Variants in POLR1D observed in about 807,000 individuals in gnomAD.
POLR1D encodes DNA-directed RNA polymerases I and III subunit RPAC2.
A neutral mutation model predicts 10.8 loss-of-function variants in POLR1D; 8 were observed. The ratio of observed to expected loss-of-function variants is 0.74; its 90% CI spans 0.43 to 1.33. The LOEUF (loss-of-function observed/expected upper bound fraction) is 1.33, where lower values mean the gene tolerates loss of function less well. Ranked by LOEUF, POLR1D falls within the 40% of genes most tolerant of loss-of-function variation. POLR1D has a pLI of 0.01. For missense variants in POLR1D, 152 were observed against 161.7 expected (o/e 0.94, Z 0.32); for synonymous variants, 54 against 57.2 (o/e 0.94, Z 0.25).
chr13:27,621,921 G>A lies in POLR1D; in HGVS notation c.-63G>A. The A allele has an allele frequency of 1.9e-6, 3 of 1,544,334 alleles. No individual in the cohort carries two copies. The highest frequency in any genetic ancestry group is 2.6e-6 in the Non-Finnish European group (3 of 1,135,340). ...GCTTCCTGCTTCGCCTCCGCGCCTCGCGCTATGGGACAGAGCCCCCGATCC... is the reference window on the plus strand; with the variant it reads ...GCTTCCTGCTTCGCCTCCGCGCCTCACGCTATGGGACAGAGCCCCCGATCC... On this transcript the variant is annotated 5_prime_UTR_variant, in exon 1 of 2. Coordinates refer to ENST00000302979, the MANE Select transcript of POLR1D (RefSeq NM_015972.4).
At chr13:27,630,520 G>T (rs1956062668) in intron 1 of POLR1D, among the ~76,000 whole-genome samples, 1 of 152,096 alleles carries the variant, frequency 6.6e-6, no homozygotes, top group Admixed American at 6.6e-5. Context: ...TCAAGGCAGT[G>T]TTGTGTAGAG....
chr13:27,623,346 C>T lies in POLR1D; in HGVS notation c.*96C>T. 4 of 1,575,088 alleles carry T rather than the reference C, an allele frequency of 2.5e-6. No individual in the cohort carries two copies. In the Middle Eastern group the frequency reaches 6.4e-4, roughly 252 times the overall value. On this transcript the variant is annotated 3_prime_UTR_variant, in exon 2 of 2. Transcript: ENST00000302979. ...TAGAAGTTTGTGGTTACAGCATACT[C>T]TGTCCTTCAGAAAGGCGTGATTCTA...
chr13:27,659,811 C>G (rs924698215), intron 2 of POLR1D, among the ~76,000 whole-genome samples: 2 of 151,924 alleles, frequency 1.3e-5, no homozygotes, highest in African/African-American at 4.8e-5. Flanking sequence ...CCTTCTGTTC[C>G]TCTTGGTAGT....
intron 1 of POLR1D, among the ~76,000 whole-genome samples, chr13:27,637,222 T>C (rs577982180): frequency 1.4e-4 from 21 of 152,328 alleles, no homozygotes; most frequent in Admixed American, 3.3e-4. Flanking sequence ...TTAATCGTAA[T>C]AGAATTTTCC....
chr13:27,665,903 C>T lies in POLR1D; in HGVS notation c.319C>T (p.Arg107Ter), dbSNP rs1259778127. The T allele has an allele frequency of 6.2e-7, 1 of 1,614,082 alleles. No homozygotes were observed. Among genetic ancestry groups the T allele is most frequent in the Non-Finnish European group, 8.5e-7 (1 of 1,180,018 alleles). Residue 107 changes from arginine (R) to a stop codon, truncating the protein, a stop_gained, in exon 3 of 3, where the codon CGA (arginine) becomes TGA (stop). Transcript: ENST00000399697. LOFTEE classifies it low-confidence loss of function (END_TRUNC). ...AGGTTCCGCCAGTTACTCCCCGCCACGAAAGCGGAGCAGCCAGGACAAGTA... is the reference window on the plus strand; with the variant it reads ...AGGTTCCGCCAGTTACTCCCCGCCATGAAAGCGGAGCAGCCAGGACAAGTA...
chr13:27,621,276 T>G (rs953099525), upstream of POLR1D: 3 of 152,240 alleles, frequency 2.0e-5, no homozygotes, highest in African/African-American at 7.2e-5. Flanking sequence ...GGGAAACAGT[T>G]TTCTCCCAAA....
intron 1 of POLR1D, among the ~76,000 whole-genome samples, chr13:27,632,373 A>C (rs548080960): frequency 1.3e-5 from 2 of 152,240 alleles, no homozygotes; most frequent in African/African-American, 4.8e-5. Flanking sequence ...CGAATAGTAC[A>C]CTCATTTCCT....
At position 27,660,811 on chromosome 13, in the gene POLR1D, C is replaced by G. The variant is rs116863309; in HGVS notation, c.102-4875C>G. ...GCTTCCAGTCTGGCTCCGCATCTTA[C>G]TAGCTTGGGATGTGGATAGGCGCTG... On this transcript the variant is annotated intron_variant, in intron 2 of 2. Coordinates refer to the POLR1D transcript ENST00000399697. 738 of 152,406 alleles carry G rather than the reference C, an allele frequency of 4.8e-3. 4 individuals carry two copies. The highest frequency in any genetic ancestry group is 8.9e-3 in the Non-Finnish European group (608 of 68,080). The allele number at this position is 152,406 out of a possible 1,614,324, so 9.4% of individuals were successfully genotyped here. A position where few individuals can be genotyped will look rare whatever the true frequency, so the allele number is the denominator to read the frequency against.
chr13:27,665,399 A>C (rs1956405532), intron 2 of POLR1D: 1 of 377,202 alleles, frequency 2.7e-6, no homozygotes, highest in Non-Finnish European at 4.9e-6. Flanking sequence ...GTTAGTTCAC[A>C]GTGTGGTCAA....
chr13:27,633,172 A>G (rs1160173628), intron 1 of POLR1D, among the ~76,000 whole-genome samples: 1 of 152,140 alleles, frequency 6.6e-6, no homozygotes, highest in Non-Finnish European at 1.5e-5. Flanking sequence ...AGCAGATCTG[A>G]TAGATATTGC....
At chr13:27,648,190 C>A in intron 1 of POLR1D, 1 of 469,072 alleles carries the variant, frequency 2.1e-6, no homozygotes, top group Non-Finnish European at 3.9e-6. Flanking sequence ...TTCAATGTTG[C>A]TTCTCTTTAT....
At chr13:27,660,914 A>G (rs1490922594) in intron 2 of POLR1D, 3 of 152,242 alleles carry the variant, frequency 2.0e-5, no homozygotes, top group South Asian at 2.1e-4. Context: ...GAATAGCACA[A>G]GGTAATTGTG....
At chr13:27,629,430 T>C (rs570775161) in intron 1 of POLR1D, among the ~76,000 whole-genome samples, 17 of 152,368 alleles carry the variant, frequency 1.1e-4, no homozygotes, top group African/African-American at 4.1e-4. Flanking sequence ...CCATAAAGCA[T>C]ACTCTCAATC....
chr13:27,654,768 A>G (rs1369783486), intron 2 of POLR1D, among the ~76,000 whole-genome samples: 1 of 152,210 alleles, frequency 6.6e-6, no homozygotes, highest in Non-Finnish European at 1.5e-5. Context: ...GGACATTCTC[A>G]AGTAAAACTG....
Position 27,629,930 on chromosome 13 carries a change from G to A in POLR1D, c.26+7921G>A, listed in dbSNP as rs1819293791. 2.6e-5 allele frequency among the ~76,000 whole-genome samples: 4 copies of A among 151,886 alleles called. No individual in the cohort carries two copies. In the South Asian group the frequency reaches 8.3e-4, roughly 32 times the overall value. On this transcript the variant is annotated intron_variant, in intron 1 of 2. Coordinates refer to the POLR1D transcript ENST00000399697. Reference sequence around the variant, plus strand: ...TTTATTTATTTATTTATTTATTTTTGAGATGGAGTCTCACTCTGTTGCCCA... The same window carrying A: ...TTTATTTATTTATTTATTTATTTTTAAGATGGAGTCTCACTCTGTTGCCCA...
At chr13:27,654,877 C>G (rs1442183055) in intron 2 of POLR1D, among the ~76,000 whole-genome samples, 2 of 152,162 alleles carry the variant, frequency 1.3e-5, no homozygotes, top group Non-Finnish European at 2.9e-5. Context: ...TTACTTGTTG[C>G]TTTTGCACCA....
intron 1 of POLR1D, among the ~76,000 whole-genome samples, chr13:27,638,482 AATG>A (rs1361278624): frequency 1.3e-5 from 2 of 152,220 alleles, no homozygotes; most frequent in East Asian, 1.9e-4. Context: ...AAGAGCATGA[AATG>A]ATGAGATGCC....
intron 2 of POLR1D, chr13:27,661,050 C>A (rs1272723050): frequency 6.6e-6 from 1 of 152,224 alleles, no homozygotes; most frequent in Non-Finnish European, 1.5e-5. Context: ...CTACCTCTAT[C>A]CTTCAGCAAG....
exon 3 of POLR1D, chr13:27,665,730 A>C (rs777866161): frequency 6.2e-7 from 1 of 1,613,444 alleles, no homozygotes; most frequent in South Asian, 1.1e-5. Flanking sequence ...TTTCTAATTA[A>C]CACAATTAAA....
Sources: gnomAD v4.1 joint callset for allele counts (sites outside exome capture counted in the v4.1 genomes callset) on GRCh38, gnomAD v4.1.1 for gene constraint, MANE v1.5 for transcripts, NCBI Gene and HGNC (gene_info 2026-07-23, HGNC 2026-07-21) for gene names.